TNXB: variants seen among roughly 807,000 people sequenced by gnomAD.
TNXB encodes the protein tenascin XB.
Under a neutral mutation model 340.5 loss-of-function variants are expected in TNXB, and 183 were observed. That is an observed-to-expected ratio of 0.54 (90% CI 0.48 to 0.61). TNXB has a LOEUF of 0.61. TNXB is among the 20% of genes least tolerant of loss of function. TNXB has a pLI of 0.00. For synonymous variants in TNXB, 2,121 were observed against 2,314.5 expected, an observed-to-expected ratio of 0.92 and a Z score of 2.40; for missense variants, 4,613 against 5,446.4, an observed-to-expected ratio of 0.85 and a Z score of 4.82.
In TNXB at chr6:32,067,784, C is replaced by T; in HGVS notation, c.6421G>A (p.Val2141Ile). Residue 2141 changes from valine (V) to isoleucine (I), a missense_variant, in exon 18 of 44, where the codon GTT becomes ATT. Physicochemically the swap from Val to Ile is conservative, Grantham distance 29. Transcript: ENST00000644971. This position sits in a 1 kb window ranked among gnomAD's most constrained non-coding sequence, Gnocchi z 4.2. Reference protein sequence around the residue: ...DRDGRPQVVRVGGEESEVTVG... With the variant: ...DRDGRPQVVRIGGEESEVTVG... ...GTGACTTCACTCTCCTCGCCCCCAA[C>T]ACGCACCACCTGGGGCCGCCCGTCC... 6 of 1,613,694 alleles carry T rather than the reference C, an allele frequency of 3.7e-6. No individual in the cohort carries two copies. The African/African-American group carries it at 5.3e-5, about 14-fold the overall frequency.
chr6:32,058,421 T>C lies in TNXB; in HGVS notation c.7493-31A>G. ...AGGTAATATAGGGGGATACAGAGTT[T>C]AAGGGTTTAAGGGCAACTTGCTTTG... On this transcript the variant is annotated intron_variant, in intron 21 of 43. Coordinates refer to ENST00000644971, the MANE Select transcript of TNXB (RefSeq NM_001365276.2). The surrounding 1 kb of genome is among the most constrained non-coding windows in gnomAD (Gnocchi z 5.1). 6.7e-7 allele frequency: 1 copy of C among 1,497,248 alleles called. No individual in the cohort carries two copies. The highest frequency in any genetic ancestry group is 9.0e-7 in the Non-Finnish European group (1 of 1,113,548). 92.7% of individuals were successfully genotyped at this position (1,497,248 alleles called of 1,614,324 possible). A position where few individuals can be genotyped will look rare whatever the true frequency, so the allele number is the denominator to read the frequency against.
At position 32,064,426 on chromosome 6, in the gene TNXB, C is replaced by T. The variant is rs532529988; in HGVS notation, c.6841+395G>A. 1.5e-3 allele frequency among the ~76,000 whole-genome samples: 232 copies of T among 152,236 alleles called. No individual in the cohort carries two copies. Among genetic ancestry groups the T allele is most frequent in the African/African-American group, 5.2e-3 (216 of 41,536 alleles). On this transcript the variant is annotated intron_variant, in intron 19 of 43. Coordinates refer to ENST00000644971, the MANE Select transcript of TNXB (RefSeq NM_001365276.2). The surrounding 1 kb of genome is among the most constrained non-coding windows in gnomAD (Gnocchi z 5.3). ...TGGGGGTTTCATGATGTTGGCCAGG[C>T]TGGTCTCGAACTCCTGACCTCAAGT...
rs1299384439 is a variant in TNXB at position 32,074,233 on chromosome 6, C to T, written c.4376-281G>A. ...TGGAGACGGCATTTGCCATGTTGGC[C>T]AGGCTGGTCTCAAACCCCTGACCTC... On this transcript the variant is annotated intron_variant, in intron 11 of 43. Coordinates refer to ENST00000644971, the MANE Select transcript of TNXB (RefSeq NM_001365276.2). The surrounding 1 kb of genome is among the most constrained non-coding windows in gnomAD (Gnocchi z 5.5). Among the ~76,000 whole-genome samples, 1 of 152,162 alleles carries T rather than the reference C, an allele frequency of 6.6e-6. No individual in the cohort carries two copies. Among genetic ancestry groups the T allele is most frequent in the East Asian group, 1.9e-4 (1 of 5,188 alleles).
At chr6:32,101,077 C>CAAAAA (rs35800696) in intron 1 of TNXB, among the ~76,000 whole-genome samples, 87 of 46,838 alleles carry the variant, frequency 1.9e-3, no homozygotes, top group South Asian at 5.2e-3. Flanking sequence ...AACTCCATCT[C>CAAAAA]AAAAAAAAAA....
intron 1 of TNXB, among the ~76,000 whole-genome samples, chr6:32,098,790 C>A (rs186106168): frequency 5.3e-5 from 8 of 152,212 alleles, no homozygotes; most frequent in Admixed American, 1.3e-4. Context: ...CTACACTGGT[C>A]TTTTGTTTTT....
intron 1 of TNXB, among the ~76,000 whole-genome samples, chr6:32,104,084 G>A (rs1055467781): frequency 6.6e-6 from 1 of 152,066 alleles, no homozygotes; most frequent in Non-Finnish European, 1.5e-5. Flanking sequence ...AGCCAGGAGG[G>A]ATATGAGGCT....
rs1254692769 is a variant in TNXB at position 32,087,645 on chromosome 6, G to A, written c.2779+1140C>T. ...GGTGGCGGGGCGGGGGTGCGGGGGA[G>A]CCGGCTGGGGCGGCGGCCAACAGAC... On this transcript the variant is annotated intron_variant, in intron 6 of 43. Transcript: ENST00000644971. The surrounding 1 kb of genome is among the most constrained non-coding windows in gnomAD (Gnocchi z 9.0). 2 of 416,858 alleles carry A rather than the reference G, an allele frequency of 4.8e-6. No individual in the cohort carries two copies. The highest frequency in any genetic ancestry group is 9.7e-6 in the Non-Finnish European group (2 of 206,430). The allele number at this position is 416,858 out of a possible 1,614,324, so 25.8% of individuals were successfully genotyped here. A position where few individuals can be genotyped will look rare whatever the true frequency, so the allele number is the denominator to read the frequency against.
rs566064678 is a variant in TNXB, at chr6:32,095,878, G to A, written c.1975C>T (p.Arg659Cys). 1.9e-6 allele frequency: 3 copies of A among 1,612,438 alleles called. No individual in the cohort carries two copies. Among genetic ancestry groups the A allele is most frequent in the Admixed American group, 3.3e-5 (2 of 59,862 alleles). ...CACACTCCTTGCACACACCGCCCAC[G>A]TCCCCGGCAGTCAGCCGGGCACATG... The part of the protein sequence containing the change: ...TRMCPADCRG[R>C]GRCVQGVCLC... The change falls in exon 3 of 44, where the codon CGT (arginine) becomes TGT (cysteine). Residue 659 changes from arginine to cysteine, a missense_variant. This residue lies in a region of TNXB where 4,327 missense variants were observed against 4,859.4 expected (regional missense o/e 0.89). Transcript: ENST00000644971.
In TNXB at chr6:32,061,316, G is replaced by A; in HGVS notation, c.7492+81C>T. ...CACAGGAGACAAGTCTGGACCCACA[G>A]GGCTTGGTGAAAGGGCACAGCAGTA... is the stretch of plus-strand genomic sequence containing the variant. On this transcript the variant is annotated intron_variant, in intron 21 of 43. Coordinates refer to ENST00000644971, the MANE Select transcript of TNXB (RefSeq NM_001365276.2). This position sits in a 1 kb window ranked among gnomAD's most constrained non-coding sequence, Gnocchi z 4.4. 6.4e-7 allele frequency: 1 copy of A among 1,552,860 alleles called. No homozygotes were observed. The highest frequency in any genetic ancestry group is 8.7e-7 in the Non-Finnish European group (1 of 1,148,074).
chr6:32,053,092 C>A, intron 25 of TNXB, 99 bp from the exon 26 acceptor site: 1 of 1,329,922 alleles, frequency 7.5e-7, no homozygotes, highest in Non-Finnish European at 1.0e-6. Context: ...AGTGGGGGTC[C>A]TGGGGTCAGC....
Position 32,069,626 on chromosome 6 carries a change from G to A in TNXB, c.5514C>T (p.His1838=). The A allele has an allele frequency of 6.2e-7, 1 of 1,611,598 alleles. No homozygotes were observed. Among genetic ancestry groups the A allele is most frequent in the Non-Finnish European group, 8.5e-7 (1 of 1,178,812 alleles). ...EVSVPGLDPA[H]RYKLLLYGLH... ...GCCCGTAGAGCAGCAGCTTGTACCT[G>A]TGGGCAGGGTCCAGGCCCGGCACGC... Residue 1838 remains histidine (H), a synonymous_variant, in exon 15 of 44, where the codon CAC becomes CAT. Transcript: ENST00000644971. The surrounding 1 kb of genome is among the most constrained non-coding windows in gnomAD (Gnocchi z 6.2).
At position 32,069,215 on chromosome 6, in the gene TNXB, G is replaced by C; in HGVS notation, c.5588-79C>G. The C allele has an allele frequency of 7.2e-7, 1 of 1,395,490 alleles. No individual in the cohort carries two copies. Among genetic ancestry groups the C allele is most frequent in the Non-Finnish European group, 9.7e-7 (1 of 1,035,750 alleles). The allele number at this position is 1,395,490 out of a possible 1,614,324, so 86.4% of individuals were successfully genotyped here. A position where few individuals can be genotyped will look rare whatever the true frequency, so the allele number is the denominator to read the frequency against. On this transcript the variant is annotated intron_variant, in intron 15 of 43. Transcript: ENST00000644971. This position sits in a 1 kb window ranked among gnomAD's most constrained non-coding sequence, Gnocchi z 6.2. Reference sequence around the variant, plus strand: ...CTCTCAGGAGGAGTGAGGGAGGAGAGGGAGTGAGGGCAAGCAGTCAGCAAT... The same window carrying C: ...CTCTCAGGAGGAGTGAGGGAGGAGACGGAGTGAGGGCAAGCAGTCAGCAAT...
In TNXB at chr6:32,097,813, G is replaced by C; in HGVS notation, c.386C>G (p.Ser129Cys). The change falls in exon 2 of 44, where the codon TCT (serine) becomes TGT (cysteine). Residue 129 changes from serine (S) to cysteine (C), a missense_variant. Physicochemically the swap from Ser to Cys is moderately radical, Grantham distance 112. Coordinates refer to ENST00000644971, the MANE Select transcript of TNXB (RefSeq NM_001365276.2). The surrounding 1 kb of genome is among the most constrained non-coding windows in gnomAD (Gnocchi z 5.9). ...CTGCTCACCTGTGCCAGCTTGGGCA[G>C]AGGCAGGACAACATCCCCCAGTGCA... Reference protein sequence around the residue: ...EQCTGGCCPASAQAGTGQTDV... With the variant: ...EQCTGGCCPACAQAGTGQTDV... 1 of 1,503,826 alleles carries C rather than the reference G, an allele frequency of 6.6e-7. No homozygotes were observed. Among genetic ancestry groups the C allele is most frequent in the Non-Finnish European group, 8.9e-7 (1 of 1,124,812 alleles). 93.2% of individuals were successfully genotyped at this position (1,503,826 alleles called of 1,614,324 possible).
At position 32,070,320 on chromosome 6, in the gene TNXB, C is replaced by G. The variant is rs780170896; in HGVS notation, c.5085G>C (p.Thr1695=). Residue 1695 remains threonine, a synonymous_variant, in exon 14 of 44, where the codon ACG becomes ACC. Transcript: ENST00000644971. This position sits in a 1 kb window ranked among gnomAD's most constrained non-coding sequence, Gnocchi z 6.0. Reference sequence around the variant, plus strand: ...AAGAGTCGAACTGGCCCTCAGGAACCGTCCAGGAGAGGCGCAGTGAGTCTG... The same window carrying G: ...AAGAGTCGAACTGGCCCTCAGGAACGGTCCAGGAGAGGCGCAGTGAGTCTG... ...PTPDSLRLSW[T]VPEGQFDSFV... is the part of the protein sequence containing the mutation. The G allele has an allele frequency of 1.9e-6, 3 of 1,611,552 alleles. No homozygotes were observed. The African/African-American group carries it at 4.0e-5, about 22-fold the overall frequency.
At chr6:32,065,897 G>A (rs1362978035) in intron 18 of TNXB, among the ~76,000 whole-genome samples, 1 of 152,088 alleles carries the variant, frequency 6.6e-6, no homozygotes, top group Non-Finnish European at 1.5e-5. Context: ...TGATCCACCT[G>A]CCTTGGCCTC....
At chr6:32,077,546 C>T (rs1302243302) in intron 11 of TNXB, among the ~76,000 whole-genome samples, 3 of 152,198 alleles carry the variant, frequency 2.0e-5, no homozygotes, top group Non-Finnish European at 4.4e-5. Context: ...GTGACTAAAC[C>T]GGGCAGGTCA....
At chr6:32,098,310 T>G in intron 1 of TNXB, 104 bp from the exon 2 acceptor site, 1 of 958,012 alleles carries the variant, frequency 1.0e-6, no homozygotes, top group Non-Finnish European at 1.5e-6. Flanking sequence ...ACAAGTAATC[T>G]ACCCAACTCA....
rs1221872581 is a variant in TNXB at position 32,070,089 on chromosome 6, G to A, written c.5278+38C>T. ...AGTGACCGTCTGCTGCTTGGCCTGA[G>A]GGGAGCAGAGCAGGGACCTGCAGGG... On this transcript the variant is annotated intron_variant, in intron 14 of 43. Transcript: ENST00000644971. The surrounding 1 kb of genome is among the most constrained non-coding windows in gnomAD (Gnocchi z 6.0). The A allele has an allele frequency of 6.6e-7, 1 of 1,507,590 alleles. No individual in the cohort carries two copies. The highest frequency in any genetic ancestry group is 2.2e-5 in the Admixed American group (1 of 46,174). The allele number at this position is 1,507,590 out of a possible 1,614,324, so 93.4% of individuals were successfully genotyped here.
Position 32,056,034 on chromosome 6 carries a change from G to A in TNXB, c.8284C>T (p.His2762Tyr), listed in dbSNP as rs758872866. Residue 2762 changes from histidine (H) to tyrosine (Y), a missense_variant, in exon 24 of 44, where the codon CAC (histidine) becomes TAC (tyrosine). By Grantham distance (83) the His-to-Tyr change is moderately conservative. Around this residue, in one of 7 missense-constraint regions of TNXB, gnomAD observed 4,327 missense variants for 4,859.4 expected, o/e 0.89. Coordinates refer to ENST00000644971, the MANE Select transcript of TNXB (RefSeq NM_001365276.2). ...TACTGCACGGTGAAGGAGTCGAAGTGGCCCTGGGGGATGGTCCAGGAGAGG... is the reference window on the plus strand; with the variant it reads ...TACTGCACGGTGAAGGAGTCGAAGTAGCCCTGGGGGATGGTCCAGGAGAGG... ...LSLSWTIPQGHFDSFTVQYKD... is the reference protein window; with the variant it reads ...LSLSWTIPQGYFDSFTVQYKD... 6.2e-6 allele frequency: 10 copies of A among 1,613,090 alleles called. 1 individual carries two copies. Among genetic ancestry groups the A allele is most frequent in the South Asian group, 2.2e-5 (2 of 91,074 alleles).
Sources: gnomAD v4.1 joint callset for allele counts (sites outside exome capture counted in the v4.1 genomes callset) on GRCh38, gnomAD v4.1.1 for gene constraint, gnomAD v4.1.1 regional missense constraint, Gnocchi (gnomAD v3.1) non-coding constraint, MANE v1.5 for transcripts, NCBI Gene and HGNC (gene_info 2026-07-23, HGNC 2026-07-21) for gene names.